PARP11: variants seen among roughly 807,000 people sequenced by gnomAD.
The protein encoded by PARP11 is poly(ADP-ribose) polymerase family member 11.
PARP11 carries 31 observed loss-of-function variants against 42.9 expected under a neutral mutation model. That is an observed-to-expected ratio of 0.72 (90% CI 0.54 to 0.98). The LOEUF (loss-of-function observed/expected upper bound fraction) is 0.98, where lower values mean the gene tolerates loss of function less well. Among genes scored for constraint, PARP11 ranks in the 50% least tolerant of loss-of-function variants. PARP11 has a pLI of 0.00. For missense variants in PARP11, 365 were observed against 413.1 expected (o/e 0.88, Z 1.01); for synonymous variants, 137 against 127.3 (o/e 1.08, Z -0.51).
intron 6 of PARP11, 75 bp from the exon 7 acceptor site, chr12:3,814,263 C>T (rs1028451035): frequency 8.1e-7 from 1 of 1,237,142 alleles, no homozygotes; most frequent in Non-Finnish European, 1.1e-6. Context: ...TCTTAATGAG[C>T]AAGGTTCAAT....
At chr12:3,831,306 G>C (rs966884708) in intron 1 of PARP11, among the ~76,000 whole-genome samples, 1 of 151,930 alleles carries the variant, frequency 6.6e-6, no homozygotes, top group African/African-American at 2.4e-5. Context: ...AAAACATATA[G>C]AGTTATTGAT....
At chr12:3,852,274 T>C (rs767466606) in intron 1 of PARP11, among the ~76,000 whole-genome samples, 1 of 152,172 alleles carries the variant, frequency 6.6e-6, no homozygotes, top group Non-Finnish European at 1.5e-5. Context: ...CAAAGCTGGA[T>C]GGAGAATGAC....
intron 6 of PARP11, among the ~76,000 whole-genome samples, chr12:3,816,142 CT>C (rs907778204): frequency 2.2e-4 from 34 of 152,232 alleles, no homozygotes; most frequent in Non-Finnish European, 2.5e-4. Context: ...TATGTTCTCA[CT>C]TTTTTTAAAC....
At chr12:3,832,193 T>A in intron 1 of PARP11, 1 of 731,234 alleles carries the variant, frequency 1.4e-6, no homozygotes, top group Non-Finnish European at 1.7e-6. Flanking sequence ...ATAAATCGCT[T>A]TGGGTGGGAC....
chr12:3,817,654 T>C (rs1947319105), intron 6 of PARP11, among the ~76,000 whole-genome samples: 1 of 152,240 alleles, frequency 6.6e-6, no homozygotes, highest in South Asian at 2.1e-4. Context: ...GAAAGTACTG[T>C]CGCACCCACT....
chr12:3,832,089 T>C (rs1194761489), intron 1 of PARP11: 4 of 915,598 alleles, frequency 4.4e-6, no homozygotes, highest in Non-Finnish European at 5.2e-6. Flanking sequence ...ATATAACATG[T>C]GTGCTCCGCT....
chr12:3,871,483 G>T (rs112241817), intron 1 of PARP11, among the ~76,000 whole-genome samples: 2 of 152,252 alleles, frequency 1.3e-5, no homozygotes, highest in African/African-American at 4.8e-5. Flanking sequence ...AAGAGCAATA[G>T]GCTATTCCAT....
intron 1 of PARP11, among the ~76,000 whole-genome samples, chr12:3,863,092 GCTA>G (rs1438967747): frequency 6.6e-6 from 1 of 152,078 alleles, no homozygotes; most frequent in Non-Finnish European, 1.5e-5. Flanking sequence ...AATCTTTTAT[GCTA>G]CTTTCAGGCT....
chr12:3,840,128 A>G lies in PARP11; in HGVS notation c.19-10110T>C. 3 of 1,610,770 alleles carry G rather than the reference A, an allele frequency of 1.9e-6. No homozygotes were observed. In the South Asian group the frequency reaches 3.3e-5, roughly 18 times the overall value. On this transcript the variant is annotated intron_variant, in intron 1 of 7. Transcript: ENST00000228820. This position sits in a 1 kb window ranked among gnomAD's most constrained non-coding sequence, Gnocchi z 4.4. ...AAACAAGCTCAGCAAAAACGTGATT[A>G]TTCCATTGCTGCTGGCTTACAATAT...
chr12:3,822,280 A>T (rs1947411056), intron 4 of PARP11, 123 bp from the exon 5 acceptor site: 1 of 735,866 alleles, frequency 1.4e-6, no homozygotes, highest in Non-Finnish European at 2.3e-6. Flanking sequence ...AATTAAATAC[A>T]GCCTTCCGTT....
intron 1 of PARP11, among the ~76,000 whole-genome samples, chr12:3,846,272 T>A (rs79922552): frequency 1.4e-5 from 2 of 147,252 alleles, no homozygotes; most frequent in Non-Finnish European, 2.9e-5. Flanking sequence ...TGTGCATATA[T>A]TTAAAAAAAA....
rs972436066 is a variant in PARP11 at position 3,873,214 on chromosome 12, G to T, written c.16C>A (p.Pro6Thr). 20 of 1,549,280 alleles carry T rather than the reference G, an allele frequency of 1.3e-5. No homozygotes were observed. In the African/African-American group the frequency reaches 2.6e-4, roughly 20 times the overall value. Residue 6 changes from proline to threonine, a missense_variant and splice_region_variant, in exon 1 of 8, where the codon CCA becomes ACA. Pro to Thr is a conservative substitution (Grantham distance 38). Coordinates refer to ENST00000228820, the MANE Select transcript of PARP11 (RefSeq NM_020367.6). Reference sequence around the variant, plus strand: ...CCCCGTCCCGCCCGGCTACTCACTGGATTCGCTTCCCACATAACGGTGACA... The same window carrying T: ...CCCCGTCCCGCCCGGCTACTCACTGTATTCGCTTCCCACATAACGGTGACA... MWEAN[P>T]EMFHKAEELF...
intron 1 of PARP11, among the ~76,000 whole-genome samples, chr12:3,844,863 T>G (rs1947968098): frequency 1.3e-5 from 2 of 152,242 alleles, no homozygotes; most frequent in African/African-American, 2.4e-5. Flanking sequence ...TGTTTTTAAA[T>G]GTATTAATTA....
At chr12:3,844,952 A>G (rs561888143) in intron 1 of PARP11, among the ~76,000 whole-genome samples, 1 of 152,352 alleles carries the variant, frequency 6.6e-6, no homozygotes, top group South Asian at 2.1e-4. Context: ...TGTTTATGTC[A>G]TACTGTATGT....
chr12:3,840,674 A>G lies in PARP11; in HGVS notation c.19-10656T>C. On this transcript the variant is annotated intron_variant, in intron 1 of 7. Transcript: ENST00000228820. This position sits in a 1 kb window ranked among gnomAD's most constrained non-coding sequence, Gnocchi z 4.4. ...GAGAAAATCATCACACGTAAGTGAT[A>G]GAAAAGGAAGCAGGCGGAGAATGGA... 8.3e-7 allele frequency: 1 copy of G among 1,204,682 alleles called. No individual in the cohort carries two copies. Among genetic ancestry groups the G allele is most frequent in the Non-Finnish European group, 1.2e-6 (1 of 805,908 alleles). 74.6% of individuals were successfully genotyped at this position (1,204,682 alleles called of 1,614,324 possible).
chr12:3,871,076 C>G (rs1948470033), intron 1 of PARP11, among the ~76,000 whole-genome samples: 1 of 152,164 alleles, frequency 6.6e-6, no homozygotes, highest in Non-Finnish European at 1.5e-5. Flanking sequence ...CTACCAAATC[C>G]AGACCAACAG....
intron 1 of PARP11, chr12:3,841,030 C>T: frequency 6.3e-7 from 1 of 1,581,476 alleles, no homozygotes; most frequent in Non-Finnish European, 8.7e-7. Context: ...GTCAGTGACA[C>T]AGACTTTGAC....
chr12:3,842,390 G>T, intron 1 of PARP11: 1 of 1,611,458 alleles, frequency 6.2e-7, no homozygotes, highest in Non-Finnish European at 8.5e-7. Context: ...GAGGAGTCCT[G>T]GAAAGGACAG....
chr12:3,841,130 C>T (rs1469876999), intron 1 of PARP11: 222 of 1,610,196 alleles, frequency 1.4e-4, no homozygotes, highest in Non-Finnish European at 1.4e-5. Flanking sequence ...CCCTTGATGC[C>T]TTTGCCTCAG....
Sources: allele counts gnomAD v4.1 joint callset (sites outside exome capture counted in the v4.1 genomes callset), GRCh38; gene constraint gnomAD v4.1.1; non-coding constraint Gnocchi (gnomAD v3.1); transcripts MANE v1.5; gene names NCBI Gene and HGNC (gene_info 2026-07-23, HGNC 2026-07-21).